MPDU1: variants seen among roughly 807,000 people sequenced by gnomAD.
MPDU1 encodes the protein mannose-P-dolichol utilization defect 1 protein.
MPDU1 carries 18 observed loss-of-function variants against 27.6 expected under a neutral mutation model. The observed-to-expected ratio is 0.65, with a 90% CI of 0.45 to 0.97. MPDU1 has a LOEUF of 0.97. MPDU1 is among the 50% of genes least tolerant of loss of function. The pLI, the probability that MPDU1 is intolerant of heterozygous loss-of-function variation, is 0.00. For synonymous variants in MPDU1, 142 were observed against 131.1 expected (o/e 1.08, Z -0.57); for missense variants, 279 against 297.4 (o/e 0.94, Z 0.46).
In MPDU1 at chr17:7,587,223, C is replaced by T. The variant is rs1230479207; in HGVS notation, c.570C>T (p.Val190=). ...GHTGQLSAIT[V]FLLFGGSLAR... is the part of the protein sequence containing the mutation. ...CAGGCCAGCTCTCAGCCATCACAGTCTTCCTGCTGTTTGGGGGCTCCCTGG... is the reference window on the plus strand; with the variant it reads ...CAGGCCAGCTCTCAGCCATCACAGTTTTCCTGCTGTTTGGGGGCTCCCTGG... The change falls in exon 6 of 7, where the codon GTC becomes GTT. Residue 190 remains valine (V), a synonymous_variant. Transcript: ENST00000250124. 1 of 1,614,132 alleles carries T rather than the reference C, an allele frequency of 6.2e-7. No individual in the cohort carries two copies. Among genetic ancestry groups the T allele is most frequent in the Non-Finnish European group, 8.5e-7 (1 of 1,180,030 alleles).
At chr17:7,584,400 AT>A in intron 1 of MPDU1, 1 of 358,518 alleles carries the variant, frequency 2.8e-6, no homozygotes, top group East Asian at 6.4e-5. Context: ...TGATTTCGGA[AT>A]AATTTGCCTC....
chr17:7,586,627 C>T, intron 3 of MPDU1, 65 bp from the exon 4 acceptor site: 1 of 1,357,986 alleles, frequency 7.4e-7, no homozygotes, highest in Non-Finnish European at 1.1e-6. Flanking sequence ...GATGGATGGG[C>T]TATGGAGGCT....
chr17:7,586,439 TAA>T lies in MPDU1; in HGVS notation c.303-240_303-239del, dbSNP rs59882896. The T allele has an allele frequency of 0.074, 35,137 of 474,334 alleles. 671 individuals are homozygous for T. The highest frequency in any genetic ancestry group is 0.16 in the African/African-American group (7,423 of 47,778). The allele number at this position is 474,334 out of a possible 1,614,324, so 29.4% of individuals were successfully genotyped here. On this transcript the variant is annotated intron_variant, in intron 3 of 6. Coordinates refer to ENST00000250124, the MANE Select transcript of MPDU1 (RefSeq NM_004870.4). ...GGGCAACAAGAGCGAAACTCAGTCTTAAAAAAAAAAAAAAGGGACAAGGGGCT... is the reference window on the plus strand; with the variant it reads ...GGGCAACAAGAGCGAAACTCAGTCTTAAAAAAAAAAAAGGGACAAGGGGCT...
At chr17:7,586,636 CT>C in intron 3 of MPDU1, 55 bp from the exon 4 acceptor site, 1 of 1,499,744 alleles carries the variant, frequency 6.7e-7, no homozygotes, top group East Asian at 2.3e-5. Flanking sequence ...GCTATGGAGG[CT>C]TTCCCTGCCT....
chr17:7,588,198 T>C lies in MPDU1; in HGVS notation c.*647T>C. On this transcript the variant is annotated 3_prime_UTR_variant, in exon 7 of 7. Transcript: ENST00000250124. ...CTCAGTTGAATAATACAAAACTGTTTAATACTACCAAAAATATAATTGTAT... is the reference window on the plus strand; with the variant it reads ...CTCAGTTGAATAATACAAAACTGTTCAATACTACCAAAAATATAATTGTAT... 1 of 757,980 alleles carries C rather than the reference T, an allele frequency of 1.3e-6. No homozygotes were observed. Among genetic ancestry groups the C allele is most frequent in the Non-Finnish European group, 2.4e-6 (1 of 413,620 alleles). 47.0% of individuals were successfully genotyped at this position (757,980 alleles called of 1,614,324 possible). A position where few individuals can be genotyped will look rare whatever the true frequency, so the allele number is the denominator to read the frequency against.
chr17:7,585,683 C>T lies in MPDU1; in HGVS notation c.104-49C>T, dbSNP rs746818789. On this transcript the variant is annotated intron_variant, in intron 1 of 6. Coordinates refer to ENST00000250124, the MANE Select transcript of MPDU1 (RefSeq NM_004870.4). ...AGCCCACAGGAGCTTCAAGCCCTGG[C>T]CTGGGTTTCAGACATCTCCTGTCTG... The T allele has an allele frequency of 3.8e-6, 6 of 1,589,076 alleles. No individual in the cohort carries two copies. The East Asian group carries it at 1.1e-4, about 30-fold the overall frequency.
intron 5 of MPDU1, 55 bp downstream of exon 5, chr17:7,587,072 G>A (rs1426135724): frequency 1.3e-6 from 2 of 1,550,240 alleles, no homozygotes; most frequent in Non-Finnish European, 1.8e-6. Flanking sequence ...GGGGGGAAGA[G>A]TAGAAGATCA....
upstream of MPDU1, chr17:7,583,791 G>C (rs769523542): frequency 3.3e-6 from 5 of 1,497,612 alleles, no homozygotes; most frequent in Non-Finnish European, 4.6e-6. Flanking sequence ...GGGAGGCGGA[G>C]TGTCCGCAGC....
At chr17:7,583,773 A>G, upstream of MPDU1, 4 of 1,387,584 alleles carry the variant, frequency 2.9e-6, no homozygotes, top group Non-Finnish European at 4.1e-6. Context: ...TCGCCGCGGG[A>G]AAAGAACGGG....
chr17:7,585,298 A>C (rs2071561877), intron 1 of MPDU1, among the ~76,000 whole-genome samples: 2 of 151,998 alleles, frequency 1.3e-5, no homozygotes, highest in African/African-American at 4.8e-5. Flanking sequence ...CACTTTAAGG[A>C]GGCTGAGGCA....
At position 7,587,557 on chromosome 17, in the gene MPDU1, G is replaced by A. The variant is rs1282453826; in HGVS notation, c.*6G>A. On this transcript the variant is annotated 3_prime_UTR_variant, in exon 7 of 7. Coordinates refer to ENST00000250124, the MANE Select transcript of MPDU1 (RefSeq NM_004870.4). Reference sequence around the variant, plus strand: ...AGCAGAAAAAGGCGCAGTAGAGCCAGCTACTGGAGTCATTCCGTTTCCACT... The same window carrying A: ...AGCAGAAAAAGGCGCAGTAGAGCCAACTACTGGAGTCATTCCGTTTCCACT... 3 of 1,613,660 alleles carry A rather than the reference G, an allele frequency of 1.9e-6. No individual in the cohort carries two copies. Among genetic ancestry groups the A allele is most frequent in the Admixed American group, 1.7e-5 (1 of 59,940 alleles).
At position 7,584,004 on chromosome 17, in the gene MPDU1, G is replaced by A; in HGVS notation, c.103+39G>A. ...AGCATCCGATCCAAGTCCTACTCGA[G>A]TGACCGTGGGCCCTTAGTCCAAGCC... is the stretch of plus-strand genomic sequence containing the variant. On this transcript the variant is annotated intron_variant, in intron 1 of 6. Coordinates refer to ENST00000250124, the MANE Select transcript of MPDU1 (RefSeq NM_004870.4). The A allele has an allele frequency of 2.5e-6, 4 of 1,585,658 alleles. No homozygotes were observed. The East Asian group carries it at 8.9e-5, about 35-fold the overall frequency.
rs2071573017 is a variant in MPDU1, at chr17:7,585,788, T to C, written c.160T>C (p.Ser54Pro). 1.2e-6 allele frequency: 2 copies of C among 1,614,142 alleles called. No individual in the cohort carries two copies. Among genetic ancestry groups the C allele is most frequent in the Non-Finnish European group, 1.7e-6 (2 of 1,180,002 alleles). The stretch of plus-strand genomic sequence containing the variant: ...CCTGGGGCTGGGCATTGTGGCTGGC[T>C]CACTTCTAGGTATGTCTCTTATCTT... ...KGLGLGIVAG[S>P]LLVKLPQVFK... Residue 54 changes from serine to proline, a missense_variant, in exon 2 of 7, where the codon TCA becomes CCA. Coordinates refer to ENST00000250124, the MANE Select transcript of MPDU1 (RefSeq NM_004870.4).
chr17:7,587,144 C>G lies in MPDU1; in HGVS notation c.508-17C>G. On this transcript the variant is annotated splice_polypyrimidine_tract_variant and intron_variant, in intron 5 of 6. Transcript: ENST00000250124. ...GAGCTCAGGTGACAGAGCCAAAGGTCTCAACTCCTCCCCTAGCTTCTCCAG... is the reference window on the plus strand; with the variant it reads ...GAGCTCAGGTGACAGAGCCAAAGGTGTCAACTCCTCCCCTAGCTTCTCCAG... The G allele has an allele frequency of 6.2e-7, 1 of 1,613,166 alleles. No homozygotes were observed. Among genetic ancestry groups the G allele is most frequent in the Non-Finnish European group, 8.5e-7 (1 of 1,179,250 alleles).
chr17:7,585,498 C>T (rs1368436436), intron 1 of MPDU1, among the ~76,000 whole-genome samples: 4 of 151,090 alleles, frequency 2.6e-5, no homozygotes, highest in African/African-American at 9.7e-5. Flanking sequence ...GATTGGGCCA[C>T]TGCACTCCAG....
At position 7,587,433 on chromosome 17, in the gene MPDU1, G is replaced by T; in HGVS notation, c.626G>T (p.Gly209Val). ...ARIFTSIQET[G>V]DPLMAGTFVV... ...TCTGTCTCTTGCAACCAGGAAACCG[G>T]AGATCCCCTGATGGCTGGGACCTTT... The change falls in exon 7 of 7, where the codon GGA becomes GTA. Residue 209 changes from glycine (G) to valine (V), a missense_variant. Gly to Val is a moderately radical substitution (Grantham distance 109, BLOSUM62 -3). Coordinates refer to ENST00000250124, the MANE Select transcript of MPDU1 (RefSeq NM_004870.4). The T allele has an allele frequency of 6.2e-7, 1 of 1,613,980 alleles. No homozygotes were observed. Among genetic ancestry groups the T allele is most frequent in the Non-Finnish European group, 8.5e-7 (1 of 1,180,006 alleles).
In MPDU1 at chr17:7,587,551, G is replaced by A. The variant is rs987746341; in HGVS notation, c.744G>A (p.Ter248=). 6.2e-7 allele frequency: 1 copy of A among 1,613,560 alleles called. No homozygotes were observed. Among genetic ancestry groups the A allele is most frequent in the Non-Finnish European group, 8.5e-7 (1 of 1,179,968 alleles). The change falls in exon 7 of 7, where the codon TAG becomes TAA. Residue 248 remains the stop codon, a stop_retained_variant. Transcript: ENST00000250124. ...CCCACAAGCAGAAAAAGGCGCAGTA[G>A]AGCCAGCTACTGGAGTCATTCCGTT... The part of the protein sequence containing the change: ...KPPHKQKKAQ[*]
Position 7,585,744 on chromosome 17 carries a change from A to G in MPDU1, c.116A>G (p.Lys39Arg). Reference sequence around the variant, plus strand: ...TTTCTCTCCTCAGTCCCCTGCCTCAAGATTCTCCTCAGCAAAGGCCTGGGG... The same window carrying G: ...TTTCTCTCCTCAGTCCCCTGCCTCAGGATTCTCCTCAGCAAAGGCCTGGGG... ...QWDLLHVPCLKILLSKGLGLG... is the reference protein window; with the variant it reads ...QWDLLHVPCLRILLSKGLGLG... Residue 39 changes from lysine (K) to arginine (R), a missense_variant, in exon 2 of 7, where the codon AAG becomes AGG. Lys to Arg is a conservative substitution (Grantham distance 26). Coordinates refer to ENST00000250124, the MANE Select transcript of MPDU1 (RefSeq NM_004870.4). 2 of 1,614,052 alleles carry G rather than the reference A, an allele frequency of 1.2e-6. No individual in the cohort carries two copies. Among genetic ancestry groups the G allele is most frequent in the Non-Finnish European group, 1.7e-6 (2 of 1,179,992 alleles).
chr17:7,587,533 G>A lies in MPDU1; in HGVS notation c.726G>A (p.Lys242=). The A allele has an allele frequency of 6.2e-7, 1 of 1,613,452 alleles. No individual in the cohort carries two copies. The highest frequency in any genetic ancestry group is 2.2e-5 in the East Asian group (1 of 44,774). Residue 242 remains lysine, a synonymous_variant, in exon 7 of 7, where the codon AAG becomes AAA. Transcript: ENST00000250124. ...ACTGGAATGCAAAGCCTCCCCACAA[G>A]CAGAAAAAGGCGCAGTAGAGCCAGC... ...LFYWNAKPPH[K]QKKAQ
Sources: gnomAD v4.1 joint callset for allele counts (sites outside exome capture counted in the v4.1 genomes callset) on GRCh38, gnomAD v4.1.1 for gene constraint, MANE v1.5 for transcripts, NCBI Gene and HGNC (gene_info 2026-07-23, HGNC 2026-07-21) for gene names.